Variants in PAPPA2 observed in about 807,000 individuals in gnomAD.
PAPPA2 encodes pappalysin-2.
PAPPA2 carries 86 observed loss-of-function variants against 176.4 expected under a neutral mutation model. The observed-to-expected ratio is 0.49, with a 90% CI of 0.41 to 0.58. The LOEUF is 0.58. Ranked by LOEUF, PAPPA2 falls within the 20% of genes least tolerant of loss-of-function variation. PAPPA2 has a pLI of 0.00. For synonymous variants in PAPPA2, 809 were observed against 852.2 expected, an observed-to-expected ratio of 0.95 and a Z score of 0.88; for missense variants, 2,073 against 2,256.9, an observed-to-expected ratio of 0.92 and a Z score of 1.65.
chr1:176,788,339 T>C (rs1188748754), intron 17 of PAPPA2, among the ~76,000 whole-genome samples: 2 of 152,190 alleles, frequency 1.3e-5, no homozygotes, highest in Non-Finnish European at 2.9e-5. Flanking sequence ...ATGTGATAAA[T>C]GTTTTACTAG....
intron 3 of PAPPA2, among the ~76,000 whole-genome samples, chr1:176,617,392 T>G (rs1655328462): frequency 6.6e-6 from 1 of 152,014 alleles, no homozygotes; most frequent in Non-Finnish European, 1.5e-5. Context: ...TTAGTGGTGA[T>G]TTCTGAGATT....
intron 17 of PAPPA2, among the ~76,000 whole-genome samples, chr1:176,785,856 A>G (rs1664912362): frequency 6.6e-6 from 1 of 152,224 alleles, no homozygotes; most frequent in Non-Finnish European, 1.5e-5. Context: ...GAAAGGGAAG[A>G]CTATTTCCAT....
intron 15 of PAPPA2, among the ~76,000 whole-genome samples, chr1:176,766,189 T>C (rs1224041584): frequency 6.6e-6 from 1 of 152,224 alleles, no homozygotes; most frequent in African/African-American, 2.4e-5. Flanking sequence ...GTAATCAGCA[T>C]GTCTGTGGTT....
At chr1:176,633,100 G>A (rs1020331220) in intron 3 of PAPPA2, among the ~76,000 whole-genome samples, 1 of 152,176 alleles carries the variant, frequency 6.6e-6, no homozygotes, top group Non-Finnish European at 1.5e-5. Flanking sequence ...ATAGATGAGG[G>A]CATTGAAGCA....
At chr1:176,694,863 G>C (rs1051038718) in intron 6 of PAPPA2, among the ~76,000 whole-genome samples, 7 of 152,212 alleles carry the variant, frequency 4.6e-5, no homozygotes, top group African/African-American at 1.4e-4. Flanking sequence ...AGGCAAAAGA[G>C]AGGAAAGAAT....
intron 21 of PAPPA2, among the ~76,000 whole-genome samples, chr1:176,811,341 A>G (rs1255230611): frequency 2.0e-5 from 3 of 152,208 alleles, no homozygotes; most frequent in Non-Finnish European, 4.4e-5. Flanking sequence ...ATAGCCAACA[A>G]TTAAACTTCT....
chr1:176,795,080 G>T (rs1022946848), intron 20 of PAPPA2, among the ~76,000 whole-genome samples: 2 of 152,208 alleles, frequency 1.3e-5, no homozygotes, highest in African/African-American at 2.4e-5. Context: ...CAATGCCCCT[G>T]CACCTGCAGC....
chr1:176,641,471 C>G (rs1052065821), intron 3 of PAPPA2, among the ~76,000 whole-genome samples: 2 of 150,676 alleles, frequency 1.3e-5, no homozygotes, highest in Non-Finnish European at 3.0e-5. Flanking sequence ...GCTTGTTTTT[C>G]TCAGGTTTGT....
At chr1:176,546,011 A>G (rs1041232883) in intron 1 of PAPPA2, among the ~76,000 whole-genome samples, 6 of 152,222 alleles carry the variant, frequency 3.9e-5, no homozygotes, top group Non-Finnish European at 7.3e-5. Context: ...GAAACAGAGC[A>G]TTAATATGGC....
chr1:176,705,229 T>C (rs768148698), intron 9 of PAPPA2, among the ~76,000 whole-genome samples: 1 of 152,222 alleles, frequency 6.6e-6, no homozygotes, highest in Non-Finnish European at 1.5e-5. Flanking sequence ...AGAAAAATGA[T>C]TTGTAGTTTC....
intron 4 of PAPPA2, among the ~76,000 whole-genome samples, chr1:176,676,511 T>C (rs534852490): frequency 2.6e-5 from 4 of 151,980 alleles, no homozygotes; most frequent in Non-Finnish European, 5.9e-5. Context: ...ACATTTGCAG[T>C]ATTCTCAAAA....
chr1:176,796,802 C>T (rs1218465192), intron 20 of PAPPA2, among the ~76,000 whole-genome samples: 1 of 148,244 alleles, frequency 6.7e-6, no homozygotes, highest in African/African-American at 2.5e-5. Context: ...TTCTTCCTCC[C>T]TCTCTCTCCT....
intron 10 of PAPPA2, 46 bp downstream of exon 10, chr1:176,706,496 G>A (rs1558532961): frequency 6.5e-7 from 1 of 1,542,796 alleles, no homozygotes; most frequent in Middle Eastern, 1.7e-4. Context: ...ACTTTTAGAG[G>A]TGTATTATTT....
chr1:176,717,978 C>G (rs1394820546), intron 12 of PAPPA2, among the ~76,000 whole-genome samples: 2 of 151,934 alleles, frequency 1.3e-5, no homozygotes, highest in African/African-American at 2.4e-5. Context: ...AAATAAGTTT[C>G]TTTTTGCTCC....
intron 14 of PAPPA2, among the ~76,000 whole-genome samples, chr1:176,753,188 C>T (rs1185830650): frequency 6.6e-6 from 1 of 152,160 alleles, no homozygotes; most frequent in East Asian, 1.9e-4. Flanking sequence ...TGAGCTGGAG[C>T]CAGCTTACAG....
At chr1:176,694,104 T>C (rs1660248070) in intron 6 of PAPPA2, among the ~76,000 whole-genome samples, 1 of 152,152 alleles carries the variant, frequency 6.6e-6, no homozygotes, top group Admixed American at 6.5e-5. Flanking sequence ...TGTGTCATGC[T>C]TGGAGTTGTG....
chr1:176,635,251 A>G (rs572227956), intron 3 of PAPPA2, among the ~76,000 whole-genome samples: 4 of 152,208 alleles, frequency 2.6e-5, no homozygotes, highest in Non-Finnish European at 5.9e-5. Flanking sequence ...AGGCAAATCA[A>G]ATGTTTTCAG....
At chr1:176,686,363 C>A (rs755303768) in intron 4 of PAPPA2, among the ~76,000 whole-genome samples, 2 of 152,140 alleles carry the variant, frequency 1.3e-5, no homozygotes, top group Admixed American at 6.6e-5. Flanking sequence ...ACTATGAGAT[C>A]TCTTGAGACT....
chr1:176,751,188 C>G (rs1051231694), intron 14 of PAPPA2, among the ~76,000 whole-genome samples: 2 of 151,544 alleles, frequency 1.3e-5, no homozygotes, highest in Admixed American at 1.3e-4. Context: ...CTGTTCTGTT[C>G]CATTGATCTA....
Sources: allele counts gnomAD v4.1 joint callset (sites outside exome capture counted in the v4.1 genomes callset), GRCh38; gene constraint gnomAD v4.1.1; transcripts MANE v1.5; gene names NCBI Gene and HGNC (gene_info 2026-07-23, HGNC 2026-07-21).